The following EYS variants were observed in gnomAD, a reference collection of about 807,000 sequenced individuals.
EYS encodes the protein EGF-like photoreceptor maintenance factor.
A neutral mutation model predicts 282.1 loss-of-function variants in EYS; 250 were observed. The observed-to-expected ratio is 0.89, with a 90% CI of 0.80 to 0.98. EYS has a LOEUF of 0.98. EYS is among the 50% of genes least tolerant of loss of function. EYS has a pLI of 0.00. For missense variants in EYS, 4,016 were observed against 3,709.0 expected (o/e 1.08, Z -2.15); for synonymous variants, 1,355 against 1,282.9 (o/e 1.06, Z -1.20).
At chr6:63,999,770 T>C (rs1397910061) in intron 33 of EYS, among the ~76,000 whole-genome samples, 3 of 152,198 alleles carry the variant, frequency 2.0e-5, no homozygotes, top group Non-Finnish European at 2.9e-5. Flanking sequence ...GTAGAATGAA[T>C]AGCAAAAATG....
At chr6:65,055,914 C>A (rs565239386) in intron 13 of EYS, among the ~76,000 whole-genome samples, 1 of 152,010 alleles carries the variant, frequency 6.6e-6, no homozygotes, top group African/African-American at 2.4e-5. Flanking sequence ...CTCCATGACC[C>A]CCTTTTTACA....
At chr6:65,154,420 C>A (rs1764686375) in intron 12 of EYS, among the ~76,000 whole-genome samples, 1 of 151,432 alleles carries the variant, frequency 6.6e-6, no homozygotes, top group Non-Finnish European at 1.5e-5. Context: ...TAGTTTTATA[C>A]AATGAAATGC....
chr6:65,141,759 G>T (rs1764350957), intron 12 of EYS, among the ~76,000 whole-genome samples: 1 of 139,308 alleles, frequency 7.2e-6, no homozygotes, highest in East Asian at 2.0e-4. Context: ...TTTCTCATCA[G>T]AAGTTCGGGG....
chr6:64,239,399 A>G (rs1766718617), intron 30 of EYS, among the ~76,000 whole-genome samples: 1 of 152,132 alleles, frequency 6.6e-6, no homozygotes, highest in East Asian at 1.9e-4. Context: ...ATTTCTCCAC[A>G]TCCTCTCCAG....
At chr6:63,797,718 T>G (rs778291997) in intron 37 of EYS, 6 of 152,200 alleles carry the variant, frequency 3.9e-5, no homozygotes, top group Non-Finnish European at 8.8e-5. Flanking sequence ...ATATAGTGTC[T>G]ACCTCATGGG....
At chr6:64,379,999 G>C (rs1194167559) in intron 29 of EYS, among the ~76,000 whole-genome samples, 1 of 152,028 alleles carries the variant, frequency 6.6e-6, no homozygotes, top group African/African-American at 2.4e-5. Context: ...AGGTGTCCTT[G>C]TTTCAAGCCT....
Position 63,721,602 on chromosome 6 carries a change from G to A in EYS, c.8429C>T (p.Thr2810Ile), listed in dbSNP as rs144513453. 1,337 of 1,551,440 alleles carry A rather than the reference G, an allele frequency of 8.6e-4. 8 individuals are homozygous for A. The African/African-American group carries it at 0.015, about 17-fold the overall frequency. The change falls in exon 43 of 43, where the codon ACT (threonine) becomes ATT (isoleucine). Residue 2810 changes from threonine to isoleucine, a missense_variant. Transcript: ENST00000503581. ...DGINVTEKASTKMSSLDTNTD... is the reference protein window; with the variant it reads ...DGINVTEKASIKMSSLDTNTD... ...ATTTGTGTCCAGAGAACTCATTTTA[G>A]TGGAGGCCTTTTCTGTTACATTTAT...
intron 36 of EYS, among the ~76,000 whole-genome samples, chr6:63,849,620 AG>A (rs768420892): frequency 6.6e-6 from 1 of 152,230 alleles, no homozygotes; most frequent in Non-Finnish European, 1.5e-5. Flanking sequence ...ACAGAAAGCA[AG>A]AACATCAACA....
intron 19 of EYS, among the ~76,000 whole-genome samples, chr6:64,878,589 A>G (rs879769035): frequency 1.3e-4 from 20 of 151,960 alleles, no homozygotes; most frequent in South Asian, 2.1e-4. Context: ...AGGTAAGAAC[A>G]TTCATTCTCA....
intron 29 of EYS, among the ~76,000 whole-genome samples, chr6:64,387,211 G>A (rs965399645): frequency 6.6e-6 from 1 of 152,052 alleles, no homozygotes; most frequent in African/African-American, 2.4e-5. Context: ...TACAATGACA[G>A]CCTACATATT....
intron 31 of EYS, among the ~76,000 whole-genome samples, chr6:64,088,500 C>T (rs1330543261): frequency 6.6e-6 from 1 of 151,724 alleles, no homozygotes. Flanking sequence ...GTCATGGGAA[C>T]ATCTAATAAA....
chr6:64,902,536 C>A lies in EYS; in HGVS notation c.2642-36G>T, dbSNP rs933355794. The A allele has an allele frequency of 3.2e-6, 4 of 1,262,404 alleles. No individual in the cohort carries two copies. In the Admixed American group the frequency reaches 8.8e-5, roughly 28 times the overall value. The allele number at this position is 1,262,404 out of a possible 1,614,324, so 78.2% of individuals were successfully genotyped here. Reference sequence around the variant, plus strand: ...TATGAGATGAGTATGGATGAGCAATCCTTGTTATAGAGTAAAAAAATCAGA... The same window carrying A: ...TATGAGATGAGTATGGATGAGCAATACTTGTTATAGAGTAAAAAAATCAGA... On this transcript the variant is annotated intron_variant, in intron 16 of 42. Coordinates refer to ENST00000503581, the MANE Select transcript of EYS (RefSeq NM_001142800.2).
chr6:65,609,823 T>C (rs1562286031), intron 2 of EYS, among the ~76,000 whole-genome samples: 1 of 152,130 alleles, frequency 6.6e-6, no homozygotes, highest in Non-Finnish European at 1.5e-5. Context: ...TAAAACTAAA[T>C]TGTTATGCCA....
intron 8 of EYS, among the ~76,000 whole-genome samples, chr6:65,371,776 T>C (rs1180645678): frequency 1.4e-5 from 2 of 147,154 alleles, no homozygotes; most frequent in African/African-American, 5.0e-5. Flanking sequence ...TGTGTGTGTG[T>C]GTAATGGGGG....
intron 12 of EYS, among the ~76,000 whole-genome samples, chr6:65,146,161 C>A (rs1581953809): frequency 6.8e-6 from 1 of 147,852 alleles, no homozygotes; most frequent in South Asian, 2.1e-4. Context: ...CATAAAGTAA[C>A]ACTTGAAAAA....
At chr6:65,136,396 G>A (rs561337613) in intron 12 of EYS, among the ~76,000 whole-genome samples, 31 of 151,700 alleles carry the variant, frequency 2.0e-4, no homozygotes, top group Non-Finnish European at 3.2e-4. Context: ...ATCATATTAC[G>A]ATCACTTTTT....
At chr6:64,067,675 C>A (rs1220124898) in intron 32 of EYS, among the ~76,000 whole-genome samples, 1 of 152,034 alleles carries the variant, frequency 6.6e-6, no homozygotes, top group East Asian at 1.9e-4. Context: ...TAAACTTTAT[C>A]ATTGGCATGA....
intron 29 of EYS, among the ~76,000 whole-genome samples, chr6:64,336,284 A>G (rs1329188931): frequency 6.6e-6 from 1 of 152,116 alleles, no homozygotes; most frequent in African/African-American, 2.4e-5. Context: ...AGGTGTAGGA[A>G]AAGGAATTTC....
chr6:64,623,060 TAACATCTAGACTAAGCTGAACC>T, intron 23 of EYS, among the ~76,000 whole-genome samples: 1 of 152,186 alleles, frequency 6.6e-6, no homozygotes. Flanking sequence ...TTAGAATTGC[TAACATCTAGACTAAGCTGAACC>T]ACACTGATTG....
Sources: allele counts gnomAD v4.1 joint callset (sites outside exome capture counted in the v4.1 genomes callset), GRCh38; gene constraint gnomAD v4.1.1; transcripts MANE v1.5; gene names NCBI Gene and HGNC (gene_info 2026-07-23, HGNC 2026-07-21).